The following ADAMTS9 variants were observed in gnomAD, a reference collection of about 807,000 sequenced individuals.
The protein encoded by ADAMTS9 is A disintegrin and metalloproteinase with thrombospondin motifs 9.
A neutral mutation model predicts 257.1 loss-of-function variants in ADAMTS9; 107 were observed. That is an observed-to-expected ratio of 0.42 (90% CI 0.36 to 0.49). The LOEUF is 0.49. Ranked by LOEUF, ADAMTS9 falls within the 20% of genes least tolerant of loss-of-function variation. ADAMTS9 has a pLI of 0.03. For missense variants in ADAMTS9, 2,353 were observed against 2,469.1 expected, an observed-to-expected ratio of 0.95 and a Z score of 1.00; for synonymous variants, 982 against 880.9, an observed-to-expected ratio of 1.11 and a Z score of -2.03.
At chr3:64,646,787 C>T (rs1216641281) in intron 11 of ADAMTS9, among the ~76,000 whole-genome samples, 1 of 152,220 alleles carries the variant, frequency 6.6e-6, no homozygotes, top group Non-Finnish European at 1.5e-5. Context: ...GCTCAGTGAG[C>T]TTCAGTTAGG....
intron 33 of ADAMTS9, 68 bp downstream of exon 33, chr3:64,541,770 G>A (rs924300318): frequency 6.3e-7 from 1 of 1,591,992 alleles, no homozygotes; most frequent in Non-Finnish European, 8.6e-7. Flanking sequence ...AAAAGGGCAG[G>A]CAATCAAATG....
intron 27 of ADAMTS9, 90 bp from the exon 28 acceptor site, chr3:64,594,524 T>C: frequency 6.6e-7 from 1 of 1,509,424 alleles, no homozygotes; most frequent in Non-Finnish European, 9.0e-7. Flanking sequence ...CCAAACTCAA[T>C]TATGGCATTG....
chr3:64,551,073 C>G lies in ADAMTS9; in HGVS notation c.4699-11G>C, dbSNP rs373075580. 6.2e-7 allele frequency: 1 copy of G among 1,613,510 alleles called. No homozygotes were observed. Among genetic ancestry groups the G allele is most frequent in the Non-Finnish European group, 8.5e-7 (1 of 1,179,562 alleles). On this transcript the variant is annotated splice_polypyrimidine_tract_variant and intron_variant, in intron 30 of 39. Coordinates refer to ENST00000498707, the MANE Select transcript of ADAMTS9 (RefSeq NM_182920.2). The stretch of plus-strand genomic sequence containing the variant: ...GCAGGTCTTGGTGCACTGTTAAATA[C>G]AAGCAAAAGAGAAGAATAAACCGTA...
rs1303349104 is a variant in ADAMTS9, at chr3:64,551,039, G to A, written c.4722C>T (p.Gly1574=). ...CACACACCACCTTGCGGTACCTGGA[G>A]CCTTCGCCGCAGGTCTTGGTGCACT... ...WQECTKTCGE[G]SRYRKVVCVD... Residue 1574 remains glycine (G), a synonymous_variant, in exon 31 of 40, where the codon GGC becomes GGT. Transcript: ENST00000498707. 2 of 1,614,076 alleles carry A rather than the reference G, an allele frequency of 1.2e-6. No homozygotes were observed. Among genetic ancestry groups the A allele is most frequent in the African/African-American group, 2.7e-5 (2 of 74,938 alleles).
intron 29 of ADAMTS9, among the ~76,000 whole-genome samples, chr3:64,566,757 TA>T (rs886836157): frequency 1.1e-4 from 16 of 145,722 alleles, no homozygotes; most frequent in South Asian, 2.2e-4. Flanking sequence ...CAAGGAACAT[TA>T]AAAAAAAAAG....
chr3:64,557,343 G>A (rs2083352924), intron 30 of ADAMTS9, among the ~76,000 whole-genome samples: 1 of 152,182 alleles, frequency 6.6e-6, no homozygotes, highest in Non-Finnish European at 1.5e-5. Context: ...GACCTCTGCT[G>A]CTCTAAGTGA....
At chr3:64,681,480 G>A (rs995702222) in intron 2 of ADAMTS9, 117 bp from the exon 3 acceptor site, 22 of 1,130,052 alleles carry the variant, frequency 1.9e-5, no homozygotes, top group Non-Finnish European at 2.6e-5. Flanking sequence ...TCTTTTTCAG[G>A]AGGGTTGTTT....
At position 64,594,351 on chromosome 3, in the gene ADAMTS9, G is replaced by C; in HGVS notation, c.4263C>G (p.Ser1421Arg). Residue 1421 changes from serine (S) to arginine (R), a missense_variant, in exon 28 of 40, where the codon AGC (serine) becomes AGG (arginine). Physicochemically the swap from Ser to Arg is moderately radical, Grantham distance 110. Coordinates refer to ENST00000498707, the MANE Select transcript of ADAMTS9 (RefSeq NM_182920.2). The stretch of plus-strand genomic sequence containing the variant: ...CGGGAGGTTTATCAAGAATTTCACA[G>C]CTCAAATCTGGAAACCGTTCACCGT... ...RSNGERFPDL[S>R]CEILDKPPDR... 2 of 1,614,034 alleles carry C rather than the reference G, an allele frequency of 1.2e-6. No individual in the cohort carries two copies. The highest frequency in any genetic ancestry group is 1.7e-6 in the Non-Finnish European group (2 of 1,179,948).
At chr3:64,657,193 C>T (rs762969449) in intron 4 of ADAMTS9, among the ~76,000 whole-genome samples, 17 of 152,110 alleles carry the variant, frequency 1.1e-4, no homozygotes, top group Non-Finnish European at 1.8e-4. Flanking sequence ...TAGTACGTGG[C>T]TAGCTCAAAT....
At chr3:64,539,348 C>A in intron 36 of ADAMTS9, 54 bp from the exon 37 acceptor site, 1 of 1,453,234 alleles carries the variant, frequency 6.9e-7, no homozygotes. Context: ...GGGAGAAAGG[C>A]AAGGAAGGAA....
chr3:64,529,331 T>C (rs1479661061), intron 38 of ADAMTS9, among the ~76,000 whole-genome samples: 1 of 152,248 alleles, frequency 6.6e-6, no homozygotes, highest in East Asian at 1.9e-4. Context: ...ACTGGAGATC[T>C]AGTTTTACCT....
chr3:64,670,865 C>G (rs1423454041), intron 3 of ADAMTS9, among the ~76,000 whole-genome samples: 1 of 152,108 alleles, frequency 6.6e-6, no homozygotes, highest in African/African-American at 2.4e-5. Flanking sequence ...AAAACAAAAG[C>G]AGAACAACAA....
At chr3:64,609,307 G>C (rs2106827709) in intron 22 of ADAMTS9, among the ~76,000 whole-genome samples, 1 of 152,120 alleles carries the variant, frequency 6.6e-6, no homozygotes, top group African/African-American at 2.4e-5. Flanking sequence ...ATTAATAAAA[G>C]ACATGCAAAG....
intron 2 of ADAMTS9, among the ~76,000 whole-genome samples, chr3:64,683,462 C>T (rs1179194632): frequency 2.0e-5 from 3 of 152,204 alleles, no homozygotes; most frequent in African/African-American, 4.8e-5. Flanking sequence ...GAAATCCCAG[C>T]GCTGCCACTT....
At chr3:64,536,051 A>G (rs2083045576) in intron 37 of ADAMTS9, among the ~76,000 whole-genome samples, 1 of 152,184 alleles carries the variant, frequency 6.6e-6, no homozygotes, top group East Asian at 1.9e-4. Context: ...CCGGAGGTCC[A>G]GGCGGCTGAC....
chr3:64,590,669 C>T (rs931380884), intron 28 of ADAMTS9, among the ~76,000 whole-genome samples: 5 of 151,966 alleles, frequency 3.3e-5, no homozygotes, highest in South Asian at 2.1e-4. Context: ...AACTTTAATA[C>T]GAAAATGAGG....
At chr3:64,684,720 C>T (rs1308428592) in intron 2 of ADAMTS9, among the ~76,000 whole-genome samples, 1 of 152,162 alleles carries the variant, frequency 6.6e-6, no homozygotes, top group African/African-American at 2.4e-5. Context: ...CCCTAGTCCT[C>T]AGTTCCCAAA....
intron 23 of ADAMTS9, among the ~76,000 whole-genome samples, chr3:64,605,913 C>T (rs2084548976): frequency 6.6e-6 from 1 of 152,266 alleles, no homozygotes; most frequent in African/African-American, 2.4e-5. Flanking sequence ...ATTTTAAATT[C>T]CATACAGCCA....
intron 39 of ADAMTS9, among the ~76,000 whole-genome samples, chr3:64,518,498 T>A (rs544874887): frequency 3.3e-5 from 5 of 152,336 alleles, no homozygotes; most frequent in African/African-American, 1.2e-4. Context: ...AATCACCTTC[T>A]GGCATAATGT....
Sources: gnomAD v4.1 joint callset for allele counts (sites outside exome capture counted in the v4.1 genomes callset) on GRCh38, gnomAD v4.1.1 for gene constraint, MANE v1.5 for transcripts, NCBI Gene and HGNC (gene_info 2026-07-23, HGNC 2026-07-21) for gene names.